The following ACMSD variants were observed in gnomAD, a reference collection of about 807,000 sequenced individuals.
ACMSD encodes aminocarboxymuconate semialdehyde decarboxylase, also known as 2-amino-3-carboxymuconate-6-semialdehyde decarboxylase.
Under a neutral mutation model 45.9 loss-of-function variants are expected in ACMSD, and 37 were observed. The observed-to-expected ratio is 0.81, with a 90% CI of 0.62 to 1.06. The LOEUF is 1.06. Ranked by LOEUF, ACMSD falls within the 50% of genes least tolerant of loss-of-function variation. The pLI, the probability that ACMSD is intolerant of heterozygous loss-of-function variation, is 0.00. For missense variants in ACMSD, 434 were observed against 420.9 expected, an observed-to-expected ratio of 1.03 and a Z score of -0.27; for synonymous variants, 138 against 148.8, an observed-to-expected ratio of 0.93 and a Z score of 0.53.
intron 8 of ACMSD, among the ~76,000 whole-genome samples, chr2:134,892,130 G>A (rs1277810266): frequency 6.6e-6 from 1 of 152,038 alleles, no homozygotes; most frequent in African/African-American, 2.4e-5. Flanking sequence ...TGAGTGCTAT[G>A]TACATCATTC....
intron 8 of ACMSD, among the ~76,000 whole-genome samples, chr2:134,886,661 T>C (rs554071159): frequency 1.3e-5 from 2 of 152,172 alleles, no homozygotes; most frequent in African/African-American, 4.8e-5. Flanking sequence ...AATGGTGAAA[T>C]ATTAAACACC....
intron 8 of ACMSD, among the ~76,000 whole-genome samples, chr2:134,897,847 T>C (rs1387945583): frequency 1.3e-5 from 2 of 151,312 alleles, no homozygotes; most frequent in African/African-American, 2.4e-5. Flanking sequence ...GATCCAGAGA[T>C]AGGGGATTTT....
intron 9 of ACMSD, 75 bp downstream of exon 9, chr2:134,898,514 GATAT>G: frequency 1.0e-6 from 1 of 968,090 alleles, no homozygotes; most frequent in Non-Finnish European, 1.5e-6. Flanking sequence ...AGAGCACTTT[GATAT>G]ATAAAAACAA....
chr2:134,895,082 G>T (rs1690023733), intron 8 of ACMSD, among the ~76,000 whole-genome samples: 1 of 151,852 alleles, frequency 6.6e-6, no homozygotes, highest in East Asian at 1.9e-4. Context: ...AAGGCGGGTG[G>T]ATCATAAGGT....
intron 5 of ACMSD, 118 bp from the exon 6 acceptor site, chr2:134,867,461 T>C: frequency 1.5e-6 from 1 of 660,100 alleles, no homozygotes; most frequent in Non-Finnish European, 2.6e-6. Flanking sequence ...AAAAGCATTT[T>C]AGTTTATTTG....
chr2:134,882,875 C>G (rs1689115431), intron 8 of ACMSD, among the ~76,000 whole-genome samples: 1 of 152,190 alleles, frequency 6.6e-6, no homozygotes, highest in South Asian at 2.1e-4. Flanking sequence ...TGCATCCCAG[C>G]AGGTGAGAAG....
At chr2:134,879,104 A>G (rs551796615) in intron 8 of ACMSD, among the ~76,000 whole-genome samples, 1 of 152,308 alleles carries the variant, frequency 6.6e-6, no homozygotes, top group African/African-American at 2.4e-5. Context: ...TTTGCCAGAA[A>G]TCCGTATCTT....
In ACMSD at chr2:134,867,615, C is replaced by A. The variant is rs1276233089; in HGVS notation, c.523C>A (p.Pro175Thr). The stretch of plus-strand genomic sequence containing the variant: ...GCTGAAGTGTTCCCTGTTCGTGCAT[C>A]CCTGGGACATGCAGATGGATGGACG... Reference protein sequence around the residue: ...ERLKCSLFVHPWDMQMDGRMA... With the variant: ...ERLKCSLFVHTWDMQMDGRMA... The change falls in exon 6 of 10, where the codon CCC (proline) becomes ACC (threonine). Residue 175 changes from proline to threonine, a missense_variant. Physicochemically the swap from Pro to Thr is conservative, Grantham distance 38. Transcript: ENST00000356140. The A allele has an allele frequency of 1.9e-6, 3 of 1,613,894 alleles. No homozygotes were observed. Among genetic ancestry groups the A allele is most frequent in the Admixed American group, 1.7e-5 (1 of 59,982 alleles).
chr2:134,868,755 G>A (rs1688262905), intron 6 of ACMSD, among the ~76,000 whole-genome samples: 1 of 151,888 alleles, frequency 6.6e-6, no homozygotes, highest in Non-Finnish European at 1.5e-5. Flanking sequence ...ACCCGGCCTG[G>A]ATTTTCTTTA....
chr2:134,895,953 A>G (rs1249511696), intron 8 of ACMSD, among the ~76,000 whole-genome samples: 1 of 152,214 alleles, frequency 6.6e-6, no homozygotes, highest in Non-Finnish European at 1.5e-5. Context: ...AACTTTCTAC[A>G]CAACTACAGT....
intron 2 of ACMSD, among the ~76,000 whole-genome samples, chr2:134,846,523 C>T (rs1330250930): frequency 6.6e-6 from 1 of 152,192 alleles, no homozygotes; most frequent in Non-Finnish European, 1.5e-5. Flanking sequence ...CCCACCTCAG[C>T]TTCCCAAGTA....
At position 134,859,301 on chromosome 2, in the gene ACMSD, T is replaced by C. The variant is rs757853847; in HGVS notation, c.143T>C (p.Val48Ala). 4 of 1,613,968 alleles carry C rather than the reference T, an allele frequency of 2.5e-6. No homozygotes were observed. The highest frequency in any genetic ancestry group is 2.5e-6 in the Non-Finnish European group (3 of 1,179,968). Residue 48 changes from valine to alanine, a missense_variant, in exon 3 of 10, where the codon GTG becomes GCG. By Grantham distance (64) the Val-to-Ala change is moderately conservative. Coordinates refer to ENST00000356140, the MANE Select transcript of ACMSD (RefSeq NM_138326.3). Reference protein sequence around the residue: ...KLLKDGKVFRVVRENCWDPEV... With the variant: ...KLLKDGKVFRAVRENCWDPEV... ...TTGAAAGATGGGAAAGTCTTCAGAG[T>C]GGTGCGAGAGAATTGCTGGGATCCA...
At chr2:134,870,530 C>G (rs1163047368) in intron 6 of ACMSD, among the ~76,000 whole-genome samples, 1 of 152,106 alleles carries the variant, frequency 6.6e-6, no homozygotes, top group African/African-American at 2.4e-5. Context: ...TCATTATTTG[C>G]AAGGCTCCAC....
At chr2:134,895,821 A>G (rs1045684274) in intron 8 of ACMSD, among the ~76,000 whole-genome samples, 22 of 152,330 alleles carry the variant, frequency 1.4e-4, no homozygotes, top group African/African-American at 5.3e-4. Context: ...GGATCGCACC[A>G]TTACACTTCA....
intron 2 of ACMSD, among the ~76,000 whole-genome samples, chr2:134,850,205 C>G (rs6722883): frequency 0.15 from 23,159 of 151,002 alleles, 2,194 homozygotes; most frequent in Middle Eastern, 0.43. Context: ...AATCTTCTTT[C>G]TCAGTTTGTG....
intron 1 of ACMSD, among the ~76,000 whole-genome samples, chr2:134,840,305 C>G (rs1399044337): frequency 2.6e-5 from 4 of 151,658 alleles, no homozygotes; most frequent in African/African-American, 4.8e-5. Flanking sequence ...CCCCCCTGTA[C>G]TATCCCACTG....
At chr2:134,845,179 G>C in intron 1 of ACMSD, 54 bp from the exon 2 acceptor site, 2 of 1,605,266 alleles carry the variant, frequency 1.2e-6, no homozygotes, top group Non-Finnish European at 1.7e-6. Context: ...CATGCCCCTT[G>C]ATTGCAGCCT....
Position 134,885,314 on chromosome 2 carries a change from TA to T in ACMSD, c.849+12674del, listed in dbSNP as rs1689305299. Among the ~76,000 whole-genome samples, 3 of 103,520 alleles carry T rather than the reference TA, an allele frequency of 2.9e-5. No homozygotes were observed. The Admixed American group carries it at 4.1e-4, about 14-fold the overall frequency. 67.9% of individuals were successfully genotyped at this position (103,520 alleles called of 152,430 possible). ...ATTTATATATATATTTAAATATATA[TA>T]TATAAATATATATGTAAATATATAT... On this transcript the variant is annotated intron_variant, in intron 8 of 9. Coordinates refer to ENST00000356140, the MANE Select transcript of ACMSD (RefSeq NM_138326.3).
Position 134,851,850 on chromosome 2 carries a change from A to G in ACMSD, c.102+6573A>G, listed in dbSNP as rs556304002. On this transcript the variant is annotated intron_variant, in intron 2 of 9. Coordinates refer to ENST00000356140, the MANE Select transcript of ACMSD (RefSeq NM_138326.3). The stretch of plus-strand genomic sequence containing the variant: ...GTATCTCATTGTGGTTTTGATTTGC[A>G]TTTCTCTGATGATCAGTGATGTGGA... Among the ~76,000 whole-genome samples the G allele has an allele frequency of 3.3e-5, 5 of 152,150 alleles. No homozygotes were observed. In the East Asian group the frequency reaches 7.7e-4, roughly 23 times the overall value.
Sources: gnomAD v4.1 joint callset for allele counts (sites outside exome capture counted in the v4.1 genomes callset) on GRCh38, gnomAD v4.1.1 for gene constraint, MANE v1.5 for transcripts, NCBI Gene and HGNC (gene_info 2026-07-23, HGNC 2026-07-21) for gene names.